CLCA2: variants seen among roughly 807,000 people sequenced by gnomAD.
The protein encoded by CLCA2 is calcium-activated chloride channel regulator 2.
CLCA2 carries 85 observed loss-of-function variants against 82.9 expected under a neutral mutation model. The observed-to-expected ratio is 1.03, with a 90% CI of 0.86 to 1.23. The LOEUF (loss-of-function observed/expected upper bound fraction) is 1.23. Among genes scored for constraint, CLCA2 ranks in the 50% most tolerant of loss-of-function variants. CLCA2 has a pLI of 0.00. For missense variants in CLCA2, 1,089 were observed against 1,124.8 expected (o/e 0.97, Z 0.45); for synonymous variants, 421 against 391.7 (o/e 1.07, Z -0.88).
intron 6 of CLCA2, among the ~76,000 whole-genome samples, chr1:86,438,180 G>A (rs1020172822): frequency 5.9e-5 from 9 of 152,136 alleles, no homozygotes; most frequent in African/African-American, 1.9e-4. Flanking sequence ...TGAGTGGGTG[G>A]TCATTGAAGC....
intron 4 of CLCA2, among the ~76,000 whole-genome samples, chr1:86,431,687 AC>A (rs1409721341): frequency 6.6e-6 from 1 of 152,148 alleles, no homozygotes; most frequent in Non-Finnish European, 1.5e-5. Flanking sequence ...TTCCCCTGAT[AC>A]CAAGTGGAAA....
intron 11 of CLCA2, 128 bp from the exon 12 acceptor site, chr1:86,450,435 G>A (rs1662937588): frequency 1.5e-6 from 1 of 645,544 alleles, no homozygotes; most frequent in South Asian, 4.2e-5. Flanking sequence ...AATGTAAAAA[G>A]TAGATAAGAG....
intron 10 of CLCA2, among the ~76,000 whole-genome samples, chr1:86,446,798 A>G (rs1389875864): frequency 6.6e-6 from 1 of 152,222 alleles, no homozygotes; most frequent in African/African-American, 2.4e-5. Flanking sequence ...CTTAATCAAA[A>G]GGACGAATTT....
Position 86,456,079 on chromosome 1 carries a change from T to C in CLCA2, c.*552T>C, listed in dbSNP as rs961506410. 3 of 152,216 alleles carry C rather than the reference T, an allele frequency of 2.0e-5. No homozygotes were observed. The highest frequency in any genetic ancestry group is 2.0e-4 in the Admixed American group (3 of 15,278). The allele number at this position is 152,216 out of a possible 1,614,324, so 9.4% of individuals were successfully genotyped here. ...AATGCTCAGAGATCTTTTTTCACTGTAAGAGGTAACCTTTAACAATATGGG... is the reference window on the plus strand; with the variant it reads ...AATGCTCAGAGATCTTTTTTCACTGCAAGAGGTAACCTTTAACAATATGGG... On this transcript the variant is annotated 3_prime_UTR_variant, in exon 14 of 14. Transcript: ENST00000370565.
intron 11 of CLCA2, 110 bp from the exon 12 acceptor site, chr1:86,450,453 A>G: frequency 1.3e-6 from 1 of 767,356 alleles, no homozygotes; most frequent in Non-Finnish European, 1.9e-6. Flanking sequence ...GAGCATGATA[A>G]TATATCTTAT....
At chr1:86,447,937 A>C (rs1202519880) in intron 11 of CLCA2, among the ~76,000 whole-genome samples, 159 bp downstream of exon 11, 2 of 152,142 alleles carry the variant, frequency 1.3e-5, no homozygotes, top group Non-Finnish European at 2.9e-5. Context: ...GATATACTGA[A>C]TAGCTACAGG....
chr1:86,427,861 T>G (rs1055279030), intron 2 of CLCA2, among the ~76,000 whole-genome samples: 4 of 152,148 alleles, frequency 2.6e-5, no homozygotes, highest in Non-Finnish European at 5.9e-5. Flanking sequence ...TATAACTTCA[T>G]TGGAATGATC....
At chr1:86,441,413 G>A (rs1351424119) in intron 8 of CLCA2, 24 bp from the exon 9 acceptor site, 1 of 1,352,622 alleles carries the variant, frequency 7.4e-7, no homozygotes, top group Non-Finnish European at 1.0e-6. Flanking sequence ...TTTTAATAGT[G>A]AACACTCCTA....
In CLCA2 at chr1:86,455,131, A is replaced by G. The variant is rs1663048796; in HGVS notation, c.2436A>G (p.Gln812=). The change falls in exon 14 of 14, where the codon CAA becomes CAG. Residue 812 remains glutamine, a synonymous_variant. Coordinates refer to ENST00000370565, the MANE Select transcript of CLCA2 (RefSeq NM_006536.7). ...TGAGTAAAAGTCTACAGAATATCCAAGATGACTTTAACAATGCTATTTTAG... is the reference window on the plus strand; with the variant it reads ...TGAGTAAAAGTCTACAGAATATCCAGGATGACTTTAACAATGCTATTTTAG... ...IRMSKSLQNI[Q]DDFNNAILVN... is the part of the protein sequence containing the mutation. The G allele has an allele frequency of 6.2e-7, 1 of 1,606,198 alleles. No individual in the cohort carries two copies. Among genetic ancestry groups the G allele is most frequent in the Non-Finnish European group, 8.5e-7 (1 of 1,174,900 alleles).
Position 86,428,617 on chromosome 1 carries a change from T to C in CLCA2, c.475+49T>C, listed in dbSNP as rs181020744. The C allele has an allele frequency of 1.3e-4, 212 of 1,578,072 alleles. 2 individuals carry two copies. The African/African-American group carries it at 2.4e-3, about 18-fold the overall frequency. ...AGCCATTGGACAATACTACTTATAA[T>C]ATTCTGTGCTTGGTGCTGAAAGGGA... On this transcript the variant is annotated intron_variant, in intron 3 of 13. Transcript: ENST00000370565.
At chr1:86,442,676 G>A (rs12086616) in intron 9 of CLCA2, among the ~76,000 whole-genome samples, 14,209 of 152,250 alleles carry the variant, frequency 0.093, 741 homozygotes, top group Middle Eastern at 0.16. Flanking sequence ...GCAGATTTGA[G>A]CAATTAACGA....
chr1:86,455,463 C>T lies in CLCA2; in HGVS notation c.2768C>T (p.Thr923Ile). 1 of 1,546,334 alleles carries T rather than the reference C, an allele frequency of 6.5e-7. No homozygotes were observed. Among genetic ancestry groups the T allele is most frequent in the Non-Finnish European group, 8.7e-7 (1 of 1,149,958 alleles). ...IGIICLIIVV[T>I]HHTLSRKKRA... ...ATCATTTGCCTTATTATAGTTGTGA[C>T]ACATCATACTTTAAGCAGGAAAAAG... The change falls in exon 14 of 14, where the codon ACA becomes ATA. Residue 923 changes from threonine to isoleucine, a missense_variant. Physicochemically the swap from Thr to Ile is moderately conservative, Grantham distance 89. Coordinates refer to ENST00000370565, the MANE Select transcript of CLCA2 (RefSeq NM_006536.7).
rs779211705 is a variant in CLCA2, at chr1:86,424,253, C to T, written c.6C>T (p.Thr2=). The T allele has an allele frequency of 6.2e-7, 1 of 1,611,784 alleles. No individual in the cohort carries two copies. The highest frequency in any genetic ancestry group is 1.3e-5 in the African/African-American group (1 of 74,844). Residue 2 remains threonine, a synonymous_variant, in exon 1 of 14, where the codon ACC becomes ACT. Transcript: ENST00000370565. M[T]QRSIAGPICN... is the part of the protein sequence containing the mutation. ...ACTGGAGGCTTCTCTACAACATGAC[C>T]CAAAGGAGCATTGCAGGTCCTATTT... is the stretch of plus-strand genomic sequence containing the variant.
chr1:86,444,479 G>C (rs1662807363), intron 10 of CLCA2, among the ~76,000 whole-genome samples: 1 of 152,128 alleles, frequency 6.6e-6, no homozygotes, highest in Non-Finnish European at 1.5e-5. Context: ...CATACAAGAG[G>C]GTGGAAGGAA....
rs1414519698 is a variant in CLCA2 at position 86,456,451 on chromosome 1, T to G, written c.*924T>G. 6.6e-6 allele frequency: 1 copy of G among 152,188 alleles called. No individual in the cohort carries two copies. The highest frequency in any genetic ancestry group is 1.5e-5 in the Non-Finnish European group (1 of 68,030). The allele number at this position is 152,188 out of a possible 1,614,324, so 9.4% of individuals were successfully genotyped here. A position where few individuals can be genotyped will look rare whatever the true frequency, so the allele number is the denominator to read the frequency against. On this transcript the variant is annotated 3_prime_UTR_variant, in exon 14 of 14. Transcript: ENST00000370565. ...TACCAAGGGCAGGGGAAGGGGGATA[T>G]AGAGGTCACAAGGAAATAAAAATCA...
chr1:86,450,913 G>A (rs1284847123), intron 12 of CLCA2, among the ~76,000 whole-genome samples, 180 bp downstream of exon 12: 2 of 152,078 alleles, frequency 1.3e-5, no homozygotes, highest in South Asian at 4.1e-4. Flanking sequence ...ATGGTAGGGG[G>A]GTAACAGGAA....
intron 9 of CLCA2, among the ~76,000 whole-genome samples, chr1:86,442,059 C>A (rs1413534371): frequency 4.0e-5 from 6 of 151,618 alleles, no homozygotes. Context: ...CATAGGGCCA[C>A]TTTTTTTTTC....
Position 86,434,580 on chromosome 1 carries a change from G to A in CLCA2, c.807G>A (p.Met269Ile), listed in dbSNP as rs759018964. Residue 269 changes from methionine to isoleucine, a missense_variant, in exon 6 of 14, where the codon ATG becomes ATA. Physicochemically the swap from Met to Ile is conservative, Grantham distance 10. Transcript: ENST00000370565. ...AAGCACCAAACCTACAGAACCAGAT[G>A]TGCAGCCTCAGAAGTGCATGGGATG... is the stretch of plus-strand genomic sequence containing the variant. Reference protein sequence around the residue: ...NQEAPNLQNQMCSLRSAWDVI... With the variant: ...NQEAPNLQNQICSLRSAWDVI... The A allele has an allele frequency of 1.2e-6, 2 of 1,614,066 alleles. No homozygotes were observed. The highest frequency in any genetic ancestry group is 2.2e-5 in the South Asian group (2 of 91,078).
chr1:86,445,917 A>G (rs541018102), intron 10 of CLCA2, among the ~76,000 whole-genome samples: 1 of 152,298 alleles, frequency 6.6e-6, no homozygotes, highest in South Asian at 2.1e-4. Context: ...TCCTTCCAAG[A>G]CGATCTATAG....
Sources: gnomAD v4.1 joint callset for allele counts (sites outside exome capture counted in the v4.1 genomes callset) on GRCh38, gnomAD v4.1.1 for gene constraint, MANE v1.5 for transcripts, NCBI Gene and HGNC (gene_info 2026-07-23, HGNC 2026-07-21) for gene names.